PRKCB: variants seen among roughly 807,000 people sequenced by gnomAD.
PRKCB encodes the protein protein kinase C beta type.
A neutral mutation model predicts 81.5 loss-of-function variants in PRKCB; 13 were observed. That is an observed-to-expected ratio of 0.16 (90% CI 0.10 to 0.25). The LOEUF (loss-of-function observed/expected upper bound fraction) is 0.25, where lower values mean the gene tolerates loss of function less well. PRKCB is among the 10% of genes least tolerant of loss of function. The probability of loss-of-function intolerance (pLI) is 1.00; values close to 1 mark genes in which losing one functional copy is unlikely to be tolerated. For missense variants in PRKCB, 509 were observed against 875.7 expected (o/e 0.58, Z 5.29); for synonymous variants, 335 against 321.4 (o/e 1.04, Z -0.45).
chr16:24,194,918 C>T (rs1967856297), intron 16 of PRKCB, among the ~76,000 whole-genome samples: 1 of 152,144 alleles, frequency 6.6e-6, no homozygotes, highest in South Asian at 2.1e-4. Context: ...ATAAATGATA[C>T]ATTATCCAGG....
chr16:23,878,324 A>G (rs929889639), intron 2 of PRKCB, among the ~76,000 whole-genome samples: 9 of 152,114 alleles, frequency 5.9e-5, no homozygotes, highest in Non-Finnish European at 1.5e-5. Flanking sequence ...AGACACCTTA[A>G]TATATATTGT....
In PRKCB at chr16:24,154,651, C is replaced by T. The variant is rs1196064990; in HGVS notation, c.1066-33C>T. The T allele has an allele frequency of 3.1e-6, 5 of 1,610,240 alleles. No homozygotes were observed. In the African/African-American group the frequency reaches 6.7e-5, roughly 22 times the overall value. ...TCATAACTGGCCCCCAGACTCCTTC[C>T]AACTGCCCTGACATGCTTGCTCTCT... is the stretch of plus-strand genomic sequence containing the variant. On this transcript the variant is annotated intron_variant, in intron 9 of 16. Coordinates refer to ENST00000643927, the MANE Select transcript of PRKCB (RefSeq NM_002738.7).
chr16:24,029,173 G>C (rs940226977), intron 3 of PRKCB, among the ~76,000 whole-genome samples: 1 of 152,170 alleles, frequency 6.6e-6, no homozygotes, highest in African/African-American at 2.4e-5. Context: ...CTAACACTTG[G>C]TATCGTTGGT....
In PRKCB at chr16:24,214,899, C is replaced by A. The variant is rs1968200883; in HGVS notation, c.*83C>A. The A allele has an allele frequency of 6.4e-7, 1 of 1,560,374 alleles. No individual in the cohort carries two copies. Among genetic ancestry groups the A allele is most frequent in the African/African-American group, 1.4e-5 (1 of 73,702 alleles). On this transcript the variant is annotated 3_prime_UTR_variant, in exon 17 of 17. Transcript: ENST00000643927. ...GTGACATTTTTATGTTTTTCATTGC[C>A]AAGTTGCATCCATGTTTGATTTTCT...
At chr16:24,173,748 A>G (rs1596582081) in intron 11 of PRKCB, among the ~76,000 whole-genome samples, 1 of 152,192 alleles carries the variant, frequency 6.6e-6, no homozygotes, top group African/African-American at 2.4e-5. Flanking sequence ...ATAAGAGGTT[A>G]CACTTTAGAC....
At chr16:23,918,113 C>G (rs1045483199) in intron 2 of PRKCB, among the ~76,000 whole-genome samples, 2 of 151,984 alleles carry the variant, frequency 1.3e-5, no homozygotes, top group African/African-American at 4.8e-5. Context: ...TTGTGAATCT[C>G]TAAACAAGAG....
At chr16:24,126,332 G>T (rs1249979995) in intron 9 of PRKCB, among the ~76,000 whole-genome samples, 1 of 152,170 alleles carries the variant, frequency 6.6e-6, no homozygotes, top group Non-Finnish European at 1.5e-5. Flanking sequence ...TGATGAGGAA[G>T]AAAGTGGCCT....
rs117375217 is a variant in PRKCB, at chr16:23,861,994, C to T, written c.205+24588C>T. ...ATCTCACACAATTTGAGGTTATTGC[C>T]TCAACCTACTCTGAATCATTGCTCC... is the stretch of plus-strand genomic sequence containing the variant. On this transcript the variant is annotated intron_variant, in intron 2 of 16. Coordinates refer to ENST00000643927, the MANE Select transcript of PRKCB (RefSeq NM_002738.7). Among the ~76,000 whole-genome samples the T allele has an allele frequency of 9.8e-3, 1,492 of 152,268 alleles. 16 individuals are homozygous for T. Among genetic ancestry groups the T allele is most frequent in the Middle Eastern group, 0.075 (22 of 294 alleles).
At chr16:23,898,003 A>T (rs1963407432) in intron 2 of PRKCB, among the ~76,000 whole-genome samples, 1 of 151,292 alleles carries the variant, frequency 6.6e-6, no homozygotes, top group Non-Finnish European at 1.5e-5. Flanking sequence ...GGCTCAAGCG[A>T]TTCTTCTGCC....
chr16:23,981,574 CTT>C (rs1964703145), intron 2 of PRKCB, among the ~76,000 whole-genome samples: 1 of 98,516 alleles, frequency 1.0e-5, no homozygotes, highest in Non-Finnish European at 2.3e-5. Context: ...TCTTTCCTTT[CTT>C]TTCCTTTCCT....
At chr16:24,028,723 C>T (rs139722595) in intron 3 of PRKCB, among the ~76,000 whole-genome samples, 10 of 152,264 alleles carry the variant, frequency 6.6e-5, no homozygotes, top group South Asian at 2.1e-4. Context: ...ATTCACACGT[C>T]GAACGACATT....
intron 2 of PRKCB, among the ~76,000 whole-genome samples, chr16:23,913,041 T>C (rs1334065494): frequency 6.6e-6 from 1 of 152,100 alleles, no homozygotes; most frequent in African/African-American, 2.4e-5. Flanking sequence ...GCTTAAGCGA[T>C]CTGCCCACCT....
At chr16:23,850,363 A>T (rs941005698) in intron 2 of PRKCB, among the ~76,000 whole-genome samples, 2 of 106,628 alleles carry the variant, frequency 1.9e-5, no homozygotes, top group Admixed American at 1.8e-4. Context: ...AAAAAAATTT[A>T]ATTTAATTTT....
intron 2 of PRKCB, among the ~76,000 whole-genome samples, chr16:23,838,544 T>C (rs1038696339): frequency 1.3e-5 from 2 of 152,264 alleles, no homozygotes; most frequent in African/African-American, 4.8e-5. Flanking sequence ...ATTGTATCTT[T>C]AGGGGCAAAG....
intron 16 of PRKCB, among the ~76,000 whole-genome samples, chr16:24,210,530 A>T (rs1596601010): frequency 6.8e-6 from 1 of 147,976 alleles, no homozygotes; most frequent in Non-Finnish European, 1.5e-5. Context: ...ACAGAGTCTC[A>T]TTCTGTCGCC....
chr16:24,038,444 G>T (rs1206996605), intron 5 of PRKCB, among the ~76,000 whole-genome samples: 3 of 152,258 alleles, frequency 2.0e-5, no homozygotes, highest in Admixed American at 2.0e-4. Context: ...TCGGGAAAGG[G>T]CACGTTGTTG....
chr16:24,045,033 G>T (rs1034816988), intron 5 of PRKCB, among the ~76,000 whole-genome samples: 9 of 152,196 alleles, frequency 5.9e-5, no homozygotes, highest in Non-Finnish European at 1.2e-4. Context: ...GGCTGTGGCG[G>T]TGAGGGGGAT....
chr16:23,885,166 TCTC>T (rs1269134814), intron 2 of PRKCB, among the ~76,000 whole-genome samples: 1 of 152,184 alleles, frequency 6.6e-6, no homozygotes, highest in Non-Finnish European at 1.5e-5. Flanking sequence ...GATTTAACCT[TCTC>T]CTGCTACCCT....
intron 3 of PRKCB, among the ~76,000 whole-genome samples, chr16:24,012,533 A>C (rs1965217590): frequency 6.6e-6 from 1 of 152,118 alleles, no homozygotes; most frequent in Non-Finnish European, 1.5e-5. Flanking sequence ...TACCCTTTCC[A>C]CACCTTTCTA....
Sources: allele counts gnomAD v4.1 joint callset (sites outside exome capture counted in the v4.1 genomes callset), GRCh38; gene constraint gnomAD v4.1.1; transcripts MANE v1.5; gene names NCBI Gene and HGNC (gene_info 2026-07-23, HGNC 2026-07-21).